Variants in LRRC20 observed in about 807,000 individuals in gnomAD.
LRRC20 encodes leucine-rich repeat-containing protein 20.
A neutral mutation model predicts 14.4 loss-of-function variants in LRRC20; 11 were observed. The ratio of observed to expected loss-of-function variants is 0.77; its 90% CI spans 0.48 to 1.27. The LOEUF (loss-of-function observed/expected upper bound fraction) is 1.27. LRRC20 is among the 50% of genes most tolerant of loss of function. LRRC20 has a pLI of 0.00. For synonymous variants in LRRC20, 121 were observed against 107.3 expected (o/e 1.13, Z -0.79); for missense variants, 219 against 251.2 (o/e 0.87, Z 0.87).
chr10:70,359,976 G>A (rs182144526), intron 2 of LRRC20, among the ~76,000 whole-genome samples: 1 of 150,866 alleles, frequency 6.6e-6, no homozygotes, highest in Non-Finnish European at 1.5e-5. Flanking sequence ...GAGTGCAGTG[G>A]CGTGATCTCG....
chr10:70,299,063 C>G lies in LRRC20; in HGVS notation c.*2291G>C, dbSNP rs1841061942. ...TTGGGGGCATCTGTGGCTGCCCACA[C>G]TTTCCAAGACAGACAAGGGCAAACT... On this transcript the variant is annotated 3_prime_UTR_variant, in exon 5 of 5. Transcript: ENST00000446961. 6.6e-6 allele frequency: 1 copy of G among 152,644 alleles called. No homozygotes were observed. The highest frequency in any genetic ancestry group is 2.4e-5 in the African/African-American group (1 of 41,428). 9.5% of individuals were successfully genotyped at this position (152,644 alleles called of 1,614,324 possible).
intron 3 of LRRC20, among the ~76,000 whole-genome samples, chr10:70,330,524 C>T (rs892813948): frequency 2.6e-5 from 4 of 152,180 alleles, no homozygotes; most frequent in Non-Finnish European, 5.9e-5. Flanking sequence ...CTGTCAGTCA[C>T]CCACTTGTCC....
rs759566936 is a variant in LRRC20, at chr10:70,301,382, G to A, written c.527C>T (p.Pro176Leu). 13 of 1,613,524 alleles carry A rather than the reference G, an allele frequency of 8.1e-6. No individual in the cohort carries two copies. The highest frequency in any genetic ancestry group is 2.2e-5 in the South Asian group (2 of 91,056). The change falls in exon 5 of 5, where the codon CCG becomes CTG. Residue 176 changes from proline to leucine, a missense_variant. Transcript: ENST00000446961. ...AGGTAGGGGGGCTCTTGCGCCTTCC[G>A]GAGACATGAGCATGTCAAACTTGAT... is the stretch of plus-strand genomic sequence containing the variant. ...PLIKFDMLMS[P>L]EGARAPLP
chr10:70,333,427 T>C (rs920035274), intron 3 of LRRC20, among the ~76,000 whole-genome samples: 1 of 152,234 alleles, frequency 6.6e-6, no homozygotes, highest in African/African-American at 2.4e-5. Flanking sequence ...ACTTATTTTT[T>C]GTAGCTCTGT....
chr10:70,355,186 G>A (rs765661988), intron 2 of LRRC20, among the ~76,000 whole-genome samples: 12 of 152,152 alleles, frequency 7.9e-5, no homozygotes, highest in South Asian at 2.1e-4. Flanking sequence ...TCAAGGGATC[G>A]TGCCGTGCAT....
intron 2 of LRRC20, among the ~76,000 whole-genome samples, chr10:70,370,108 T>C (rs1844207523): frequency 1.3e-5 from 2 of 152,350 alleles, no homozygotes; most frequent in African/African-American, 4.8e-5. Context: ...AGTCTTTGCC[T>C]GGGCACTGAA....
intron 2 of LRRC20, among the ~76,000 whole-genome samples, chr10:70,366,475 C>G (rs539177851): frequency 6.6e-6 from 1 of 152,054 alleles, no homozygotes; most frequent in East Asian, 1.9e-4. Context: ...TATCACTCAT[C>G]ATCAGAGAAC....
rs552871788 is a variant in LRRC20 at position 70,320,095 on chromosome 10, G to A, written c.400+3768C>T. 1.8e-4 allele frequency among the ~76,000 whole-genome samples: 28 copies of A among 152,302 alleles called. No homozygotes were observed. In the South Asian group the frequency reaches 5.4e-3, roughly 29 times the overall value. On this transcript the variant is annotated intron_variant, in intron 4 of 4. Coordinates refer to ENST00000446961, the MANE Select transcript of LRRC20 (RefSeq NM_001278212.2). Reference sequence around the variant, plus strand: ...GAAAGGACTTCCAGACTGAGAGCACGGGCCATGCGGGGCAGGTGAAGGGGA... The same window carrying A: ...GAAAGGACTTCCAGACTGAGAGCACAGGCCATGCGGGGCAGGTGAAGGGGA...
intron 2 of LRRC20, among the ~76,000 whole-genome samples, chr10:70,372,664 G>A (rs528502901): frequency 4.5e-4 from 68 of 151,910 alleles, no homozygotes; most frequent in Admixed American, 3.1e-3. Flanking sequence ...GGATGGTTTC[G>A]ATCTCCTGAC....
rs147526670 is a variant in LRRC20 at position 70,370,472 on chromosome 10, G to A, written c.82+5980C>T. Among the ~76,000 whole-genome samples, 217 of 152,288 alleles carry A rather than the reference G, an allele frequency of 1.4e-3. 4 individuals carry two copies. In the East Asian group the frequency reaches 0.04, roughly 28 times the overall value. ...AGAATGTCCTGTTACAGAAAAAGCA[G>A]GCCAGGCATGGTGGCTCAAGCCTGT... is the stretch of plus-strand genomic sequence containing the variant. On this transcript the variant is annotated intron_variant, in intron 2 of 4. Transcript: ENST00000446961.
intron 2 of LRRC20, among the ~76,000 whole-genome samples, chr10:70,349,073 TC>T (rs1471571667): frequency 6.6e-6 from 1 of 152,180 alleles, no homozygotes; most frequent in Non-Finnish European, 1.5e-5. Flanking sequence ...GAGAGAGTGG[TC>T]CTCAAAGAGC....
chr10:70,306,255 G>C (rs1256194579), intron 4 of LRRC20, among the ~76,000 whole-genome samples: 7 of 151,924 alleles, frequency 4.6e-5, no homozygotes, highest in Non-Finnish European at 7.4e-5. Flanking sequence ...TGCAGTTAAG[G>C]GTTCCAGGTA....
chr10:70,370,074 AC>A (rs1439387180), intron 2 of LRRC20, among the ~76,000 whole-genome samples: 1 of 152,154 alleles, frequency 6.6e-6, no homozygotes, highest in African/African-American at 2.4e-5. Context: ...AAAATCTACT[AC>A]CTGATAAGAC....
intron 3 of LRRC20, among the ~76,000 whole-genome samples, chr10:70,328,455 C>T (rs1842408432): frequency 1.3e-5 from 2 of 152,070 alleles, no homozygotes; most frequent in Admixed American, 6.5e-5. Flanking sequence ...CACCACCACA[C>T]CCAGCTAATT....
chr10:70,315,898 T>C (rs1211353814), intron 4 of LRRC20, among the ~76,000 whole-genome samples: 1 of 152,212 alleles, frequency 6.6e-6, no homozygotes, highest in Non-Finnish European at 1.5e-5. Context: ...TGTCTCAGCG[T>C]ACTGACTTGC....
intron 2 of LRRC20, among the ~76,000 whole-genome samples, chr10:70,362,978 C>T (rs1345330923): frequency 5.3e-5 from 8 of 151,948 alleles, no homozygotes; most frequent in Admixed American, 1.3e-4. Flanking sequence ...AAAGAGACCC[C>T]CAGGCCAGTG....
Position 70,300,772 on chromosome 10 carries a change from C to T in LRRC20, c.*582G>A. ...GCCAGCCCATATTCCCACCACAGCT[C>T]TCCCAGGACTCCTAGTTCAGGTTCC... is the stretch of plus-strand genomic sequence containing the variant. On this transcript the variant is annotated 3_prime_UTR_variant, in exon 5 of 5. Transcript: ENST00000446961. The T allele has an allele frequency of 2.0e-6, 2 of 985,714 alleles. No homozygotes were observed. Among genetic ancestry groups the T allele is most frequent in the African/African-American group, 1.7e-5 (1 of 57,370 alleles). 61.1% of individuals were successfully genotyped at this position (985,714 alleles called of 1,614,324 possible).
chr10:70,376,366 G>T, intron 2 of LRRC20, 86 bp downstream of exon 2: 1 of 1,352,028 alleles, frequency 7.4e-7, no homozygotes. Context: ...GCACACTGAC[G>T]CTTGTGTCTT....
intron 4 of LRRC20, among the ~76,000 whole-genome samples, chr10:70,310,352 C>T (rs900384119): frequency 7.9e-5 from 12 of 152,190 alleles, no homozygotes; most frequent in Non-Finnish European, 1.2e-4. Context: ...TGAGGCTAGA[C>T]AGCCCAGTGG....
Sources: allele counts gnomAD v4.1 joint callset (sites outside exome capture counted in the v4.1 genomes callset), GRCh38; gene constraint gnomAD v4.1.1; transcripts MANE v1.5; gene names NCBI Gene and HGNC (gene_info 2026-07-23, HGNC 2026-07-21).